MDM4: variants seen among roughly 807,000 people sequenced by gnomAD.
MDM4 encodes MDM4 regulator of p53, also known as protein Mdm4.
MDM4 carries 2 observed loss-of-function variants against 60.2 expected under a neutral mutation model. The observed-to-expected ratio is 0.03, with a 90% CI of 0.01 to 0.10. The LOEUF (loss-of-function observed/expected upper bound fraction) is 0.10. Ranked by LOEUF, MDM4 falls within the 10% of genes least tolerant of loss-of-function variation. MDM4 has a pLI of 1.00. For missense variants in MDM4, 447 were observed against 577.5 expected, an observed-to-expected ratio of 0.77 and a Z score of 2.32; for synonymous variants, 202 against 198.1, an observed-to-expected ratio of 1.02 and a Z score of -0.17.
chr1:204,524,741 C>T (rs1392022100), intron 1 of MDM4, among the ~76,000 whole-genome samples: 2 of 152,208 alleles, frequency 1.3e-5, no homozygotes, highest in African/African-American at 4.8e-5. Context: ...TGCGCCATTG[C>T]GCTTCAGCCT....
intron 5 of MDM4, among the ~76,000 whole-genome samples, chr1:204,534,566 C>T (rs1210870880): frequency 2.0e-5 from 3 of 152,156 alleles, no homozygotes; most frequent in Non-Finnish European, 2.9e-5. Context: ...CGGCTCACTG[C>T]AACCTCCGCC....
chr1:204,546,288 G>A (rs4252730), intron 9 of MDM4, among the ~76,000 whole-genome samples: 8 of 152,062 alleles, frequency 5.3e-5, no homozygotes, highest in Non-Finnish European at 8.8e-5. Flanking sequence ...CTGCAAGCCG[G>A]AACTCTTGGG....
intron 4 of MDM4, 31 bp from the exon 5 acceptor site, chr1:204,532,160 T>G (rs755076934): frequency 1.5e-6 from 2 of 1,367,386 alleles, no homozygotes; most frequent in South Asian, 2.4e-5. Flanking sequence ...GCATTTGGGG[T>G]TGTTAATTTT....
At chr1:204,526,120 G>A (rs1289668690) in intron 2 of MDM4, among the ~76,000 whole-genome samples, 1 of 152,096 alleles carries the variant, frequency 6.6e-6, no homozygotes, top group African/African-American at 2.4e-5. Flanking sequence ...CCTGGATATG[G>A]TGGCGTGCAC....
intron 1 of MDM4, among the ~76,000 whole-genome samples, chr1:204,516,860 A>G (rs1339442230): frequency 6.6e-6 from 1 of 152,202 alleles, no homozygotes; most frequent in Non-Finnish European, 1.5e-5. Flanking sequence ...AACCGGGTAG[A>G]ATGACATTGA....
chr1:204,544,536 A>G lies in MDM4; in HGVS notation c.674A>G (p.Asp225Gly). The change falls in exon 9 of 11, where the codon GAT (aspartate) becomes GGT (glycine). Residue 225 changes from aspartate to glycine, a missense_variant and splice_region_variant. By Grantham distance (94) the Asp-to-Gly change is moderately conservative. This residue lies in a region of MDM4 where 184 missense variants were observed against 179.3 expected (regional missense o/e 1.03). Coordinates refer to ENST00000367182, the MANE Select transcript of MDM4 (RefSeq NM_002393.5). ...TCATGTTTGTTTTTTTTCTGTTAGG[A>G]TGTGGGTACTGCCATTGTTTCAGAT... is the stretch of plus-strand genomic sequence containing the variant. ...NGSTDLQTNQ[D>G]VGTAIVSDTT... is the part of the protein sequence containing the mutation. The G allele has an allele frequency of 6.2e-6, 10 of 1,604,024 alleles. No homozygotes were observed. The highest frequency in any genetic ancestry group is 8.5e-6 in the Non-Finnish European group (10 of 1,173,092).
chr1:204,527,423 G>T (rs1159527931), intron 3 of MDM4, among the ~76,000 whole-genome samples: 5 of 152,168 alleles, frequency 3.3e-5, no homozygotes, highest in African/African-American at 1.2e-4. Context: ...CGAGGCTGAG[G>T]TGGGCAGATC....
chr1:204,538,440 A>G, intron 7 of MDM4, 132 bp downstream of exon 7: 2 of 617,764 alleles, frequency 3.2e-6, no homozygotes, highest in Non-Finnish European at 5.7e-6. Flanking sequence ...AAACCTTTTT[A>G]TCAGCCTAGT....
chr1:204,533,707 T>C (rs1661090698), intron 5 of MDM4, among the ~76,000 whole-genome samples: 1 of 152,322 alleles, frequency 6.6e-6, no homozygotes, highest in African/African-American at 2.4e-5. Flanking sequence ...GCACTGTCTT[T>C]TGATAGTTTA....
intron 7 of MDM4, among the ~76,000 whole-genome samples, chr1:204,540,868 A>G (rs1009212994): frequency 5.9e-5 from 9 of 152,248 alleles, no homozygotes; most frequent in African/African-American, 1.4e-4. Flanking sequence ...ATTTTATGGC[A>G]TGATGGCTTC....
chr1:204,530,419 A>G (rs77717013), intron 3 of MDM4, among the ~76,000 whole-genome samples: 193 of 152,356 alleles, frequency 1.3e-3, no homozygotes, highest in African/African-American at 4.4e-3. Flanking sequence ...GATACTAGGT[A>G]AATTCACTGC....
intron 3 of MDM4, among the ~76,000 whole-genome samples, chr1:204,530,372 A>T (rs1660744582): frequency 6.6e-6 from 1 of 152,168 alleles, no homozygotes; most frequent in Non-Finnish European, 1.5e-5. Context: ...AATAGAATAG[A>T]CTTCTTTATT....
intron 1 of MDM4, among the ~76,000 whole-genome samples, chr1:204,521,216 C>T (rs780588813): frequency 5.9e-5 from 9 of 152,098 alleles, no homozygotes; most frequent in African/African-American, 2.2e-4. Flanking sequence ...CCATTTGTTT[C>T]AATTATCTAA....
At chr1:204,539,518 T>TTTTTG in intron 7 of MDM4, among the ~76,000 whole-genome samples, 1 of 146,652 alleles carries the variant, frequency 6.8e-6, no homozygotes, top group Non-Finnish European at 1.5e-5. Flanking sequence ...GAAAACTTGT[T>TTTTTG]TTTTTTTTTT....
In MDM4 at chr1:204,553,696, G is replaced by A. The variant is rs934796808; in HGVS notation, c.*4014G>A. On this transcript the variant is annotated 3_prime_UTR_variant, in exon 11 of 11. Coordinates refer to ENST00000367182, the MANE Select transcript of MDM4 (RefSeq NM_002393.5). The stretch of plus-strand genomic sequence containing the variant: ...AGAGATGACAAATCATTAGAACAAC[G>A]ATGAATTTCAGTATTACGGCTAAAA... The A allele has an allele frequency of 2.2e-5, 5 of 227,062 alleles. No homozygotes were observed. Among genetic ancestry groups the A allele is most frequent in the Non-Finnish European group, 4.4e-5 (5 of 114,294 alleles). 14.1% of individuals were successfully genotyped at this position (227,062 alleles called of 1,614,324 possible).
chr1:204,545,494 G>A (rs971132807), intron 9 of MDM4, among the ~76,000 whole-genome samples: 1 of 152,064 alleles, frequency 6.6e-6, no homozygotes, highest in Non-Finnish European at 1.5e-5. Context: ...ACATCCATCG[G>A]ATAAATACAG....
intron 3 of MDM4, chr1:204,529,631 G>A (rs567019890): frequency 3.6e-5 from 37 of 1,031,600 alleles, no homozygotes; most frequent in Non-Finnish European, 4.3e-5. Context: ...GTAGCTACCC[G>A]GAGGGGTTCC....
intron 3 of MDM4, 130 bp from the exon 4 acceptor site, chr1:204,530,554 A>G: frequency 8.2e-7 from 1 of 1,221,182 alleles, no homozygotes; most frequent in Non-Finnish European, 1.2e-6. Flanking sequence ...GACCCCTTAC[A>G]CAAACTTTGA....
At chr1:204,522,660 A>G (rs540255338) in intron 1 of MDM4, among the ~76,000 whole-genome samples, 16 of 152,014 alleles carry the variant, frequency 1.1e-4, no homozygotes, top group Non-Finnish European at 1.8e-4. Flanking sequence ...GGGGAGTACA[A>G]TCCCAAAGTG....
Sources: allele counts gnomAD v4.1 joint callset (sites outside exome capture counted in the v4.1 genomes callset), GRCh38; gene constraint gnomAD v4.1.1; regional missense constraint gnomAD v4.1.1; transcripts MANE v1.5; gene names NCBI Gene and HGNC (gene_info 2026-07-23, HGNC 2026-07-21).